HEPH: variants seen among roughly 807,000 people sequenced by gnomAD.
HEPH encodes hephaestin.
Under a neutral mutation model 80.8 loss-of-function variants are expected in HEPH, and 69 were observed. The ratio of observed to expected loss-of-function variants is 0.85; its 90% CI spans 0.70 to 1.04. The LOEUF (loss-of-function observed/expected upper bound fraction) is 1.04. Ranked by LOEUF, HEPH falls within the 50% of genes least tolerant of loss-of-function variation. The pLI, the probability that HEPH is intolerant of heterozygous loss-of-function variation, is 0.00. For synonymous variants in HEPH, 431 were observed against 322.8 expected (o/e 1.34, Z -3.60); for missense variants, 1,115 against 891.3 (o/e 1.25, Z -3.20).
rs773135165 is a variant in HEPH, at chrX:66,180,162, T to A, written c.625+6361T>A. Among the ~76,000 whole-genome samples, 19 of 111,387 alleles carry A rather than the reference T, an allele frequency of 1.7e-4. No homozygotes were observed. In the South Asian group the frequency reaches 7.2e-3, roughly 42 times the overall value. On this transcript the variant is annotated intron_variant, in intron 4 of 20. Transcript: ENST00000343002. Reference sequence around the variant, plus strand: ...CCTTGTTTTTTTTTTATTTTTTTGTTTTTGCTTTTCAAATTTTATTTTTGT... The same window carrying A: ...CCTTGTTTTTTTTTTATTTTTTTGTATTTGCTTTTCAAATTTTATTTTTGT...
chrX:66,201,560 A>AT (rs1201625560), intron 12 of HEPH, among the ~76,000 whole-genome samples: 45 of 109,929 alleles, frequency 4.1e-4, no homozygotes, highest in Middle Eastern at 9.4e-3. Context: ...CCTATGGTGT[A>AT]TTTTTTTTTC....
intron 1 of HEPH, among the ~76,000 whole-genome samples, chrX:66,168,298 G>A (rs1339085655): frequency 8.9e-6 from 1 of 112,133 alleles, no homozygotes; most frequent in Non-Finnish European, 1.9e-5. Context: ...ACTGCAGCCA[G>A]GAGGGAAAAG....
At chrX:66,246,602 G>A (rs1416505141) in intron 15 of HEPH, among the ~76,000 whole-genome samples, 1 of 110,889 alleles carries the variant, frequency 9.0e-6, no homozygotes, top group Non-Finnish European at 1.9e-5. Flanking sequence ...CAGTGTGTGG[G>A]GGCCAGGGTG....
At chrX:66,225,216 C>T (rs757219462) in intron 15 of HEPH, among the ~76,000 whole-genome samples, 2 of 111,645 alleles carry the variant, frequency 1.8e-5, no homozygotes, top group East Asian at 2.8e-4. Context: ...AGTACTCCAT[C>T]GTCTCCCTTA....
chrX:66,167,385 T>G (rs1010904536), intron 1 of HEPH, among the ~76,000 whole-genome samples: 6 of 112,507 alleles, frequency 5.3e-5, no homozygotes, highest in Non-Finnish European at 1.1e-4. Context: ...GTTCACTGTA[T>G]GCTGATGGCC....
chrX:66,234,957 G>T (rs1176661796), intron 15 of HEPH, among the ~76,000 whole-genome samples: 1 of 107,428 alleles, frequency 9.3e-6, no homozygotes, highest in Admixed American at 1.0e-4. Context: ...CCATTGAGCA[G>T]TTTTTTTTTT....
intron 15 of HEPH, among the ~76,000 whole-genome samples, chrX:66,232,932 A>G (rs1409822312): frequency 1.8e-5 from 2 of 110,115 alleles, no homozygotes; most frequent in Non-Finnish European, 3.8e-5. Context: ...CAATTATTAA[A>G]TATCTGGATT....
intron 15 of HEPH, among the ~76,000 whole-genome samples, chrX:66,251,883 G>C (rs182308320): frequency 1.8e-5 from 2 of 112,084 alleles, no homozygotes; most frequent in Admixed American, 9.5e-5. Context: ...GCCATGGTAG[G>C]GAATTTTTGT....
intron 4 of HEPH, among the ~76,000 whole-genome samples, chrX:66,187,744 T>A (rs2147674224): frequency 9.0e-6 from 1 of 111,455 alleles, no homozygotes; most frequent in African/African-American, 3.3e-5. Flanking sequence ...GAGCCAAAAT[T>A]CATGATGCAA....
In HEPH at chrX:66,250,494, A is replaced by T. The variant is rs919752994; in HGVS notation, c.2564-4541A>T. ...CACCACCGCAATCAGGAATTAGAGC[A>T]GTTACTTTCTTGCTATCCCCGCCCT... On this transcript the variant is annotated intron_variant, in intron 15 of 20. Coordinates refer to ENST00000343002, the MANE Select transcript of HEPH (RefSeq NM_001367233.3). Among the ~76,000 whole-genome samples the T allele has an allele frequency of 4.5e-5, 5 of 111,599 alleles. No homozygotes were observed. In the Admixed American group the frequency reaches 4.8e-4, roughly 11 times the overall value.
At chrX:66,189,968 TG>T in intron 6 of HEPH, 30 bp downstream of exon 6, 1 of 1,149,219 alleles carries the variant, frequency 8.7e-7, no homozygotes, top group Non-Finnish European at 1.2e-6. Flanking sequence ...ACCATTGGGT[TG>T]TAAGAGAGAG....
chrX:66,233,379 G>A (rs1303415013), intron 15 of HEPH, among the ~76,000 whole-genome samples: 2 of 111,390 alleles, frequency 1.8e-5, no homozygotes, highest in African/African-American at 6.5e-5. Flanking sequence ...CTTTGTTCAT[G>A]TCTGGTAATG....
chrX:66,192,434 G>C, intron 7 of HEPH, 136 bp downstream of exon 7: 1 of 663,564 alleles, frequency 1.5e-6, no homozygotes, highest in Non-Finnish European at 2.2e-6. Context: ...TGAACCAACT[G>C]TTAGCCAAGT....
chrX:66,178,719 G>A (rs892729873), intron 4 of HEPH, among the ~76,000 whole-genome samples: 2 of 112,367 alleles, frequency 1.8e-5, no homozygotes, highest in Admixed American at 1.9e-4. Flanking sequence ...TTTTTCATGT[G>A]TCTTTTGGCT....
At chrX:66,187,442 G>C (rs761253804) in intron 4 of HEPH, among the ~76,000 whole-genome samples, 1 of 111,176 alleles carries the variant, frequency 9.0e-6, no homozygotes, top group African/African-American at 3.3e-5. Flanking sequence ...TGTCTCAAAG[G>C]GTGTTCCCCC....
chrX:66,164,135 C>G (rs1465942721), upstream of HEPH: 2 of 636,806 alleles, frequency 3.1e-6, no homozygotes, highest in East Asian at 1.6e-4. Context: ...GAAGTACAAC[C>G]CACCCCCTTG....
At chrX:66,233,716 T>C (rs1224366586) in intron 15 of HEPH, among the ~76,000 whole-genome samples, 1 of 109,994 alleles carries the variant, frequency 9.1e-6, no homozygotes, top group Non-Finnish European at 1.9e-5. Flanking sequence ...TATTAGTGAC[T>C]ATACTATATA....
chrX:66,192,074 T>A, intron 6 of HEPH, 56 bp from the exon 7 acceptor site: 2 of 1,117,461 alleles, frequency 1.8e-6, no homozygotes, highest in Non-Finnish European at 2.4e-6. Flanking sequence ...AGGTGAGTCC[T>A]CTGGGTTAAA....
At chrX:66,187,259 A>AT (rs201168371) in intron 4 of HEPH, among the ~76,000 whole-genome samples, 2,989 of 108,900 alleles carry the variant, frequency 0.027, 112 homozygotes, top group African/African-American at 0.092. Flanking sequence ...TAAATCAGGG[A>AT]TTTTTTTTTA....
Sources: gnomAD v4.1 joint callset for allele counts (sites outside exome capture counted in the v4.1 genomes callset) on GRCh38, gnomAD v4.1.1 for gene constraint, MANE v1.5 for transcripts, NCBI Gene and HGNC (gene_info 2026-07-23, HGNC 2026-07-21) for gene names.